PMFBP1: variants seen among roughly 807,000 people sequenced by gnomAD.
PMFBP1 encodes the protein polyamine-modulated factor 1-binding protein 1.
PMFBP1 carries 131 observed loss-of-function variants against 137.8 expected under a neutral mutation model. That is an observed-to-expected ratio of 0.95 (90% CI 0.82 to 1.10). PMFBP1 has a LOEUF of 1.10. Among genes scored for constraint, PMFBP1 ranks in the 50% least tolerant of loss-of-function variants. The pLI is 0.00. For synonymous variants in PMFBP1, 490 were observed against 450.4 expected (o/e 1.09, Z -1.11); for missense variants, 1,199 against 1,175.4 (o/e 1.02, Z -0.29).
the PMFBP1 span, among the ~76,000 whole-genome samples, chr16:72,223,035 C>T: frequency 6.6e-6 from 1 of 152,124 alleles, no homozygotes; most frequent in Admixed American, 6.6e-5. Flanking sequence ...TGTCATGACA[C>T]ACAGCCTCAC....
chr16:72,118,275 C>T (rs1005524903), downstream of PMFBP1, among the ~76,000 whole-genome samples: 6 of 152,118 alleles, frequency 3.9e-5, no homozygotes, highest in Non-Finnish European at 8.8e-5. Flanking sequence ...CATGGGGGAA[C>T]GTAGTTCAAA....
chr16:72,122,848 C>G (rs1276897879), intron 19 of PMFBP1, 66 bp downstream of exon 19: 4 of 1,495,578 alleles, frequency 2.7e-6, no homozygotes, highest in Non-Finnish European at 3.7e-6. Context: ...AAAGCCAGCC[C>G]TGGCTCCCTG....
At chr16:72,184,278 A>T in the PMFBP1 span, among the ~76,000 whole-genome samples, 2 of 152,168 alleles carry the variant, frequency 1.3e-5, no homozygotes, top group Non-Finnish European at 2.9e-5. Flanking sequence ...CTACAATAAC[A>T]TCTCCAGCAC....
At chr16:72,228,680 TG>T in the PMFBP1 span, among the ~76,000 whole-genome samples, 1 of 152,190 alleles carries the variant, frequency 6.6e-6, no homozygotes, top group Non-Finnish European at 1.5e-5. Flanking sequence ...TGAATAAATT[TG>T]GGGTGCCTCT....
At chr16:72,216,596 C>T in the PMFBP1 span, among the ~76,000 whole-genome samples, 1 of 152,060 alleles carries the variant, frequency 6.6e-6, no homozygotes, top group African/African-American at 2.4e-5. Context: ...TTATTGGCAG[C>T]CTTTGCTAAG....
the PMFBP1 span, among the ~76,000 whole-genome samples, chr16:72,231,381 A>G: frequency 1.3e-5 from 2 of 152,200 alleles, no homozygotes; most frequent in African/African-American, 4.8e-5. Context: ...GACGGGCTTT[A>G]GATGAAGCTA....
At chr16:72,128,920 C>T (rs2042504136) in intron 13 of PMFBP1, 126 bp from the exon 14 acceptor site, 2 of 1,510,220 alleles carry the variant, frequency 1.3e-6, no homozygotes, top group Admixed American at 3.9e-5. Context: ...GGCATTCTCG[C>T]TCCCCTCCTC....
In PMFBP1 at chr16:72,125,979, C is replaced by T. The variant is rs1194132237; in HGVS notation, c.2242G>A (p.Ala748Thr). Residue 748 changes from alanine (A) to threonine (T), a missense_variant, in exon 15 of 21, where the codon GCC becomes ACC. Transcript: ENST00000237353. ...GGGTGTGGCCTCACCTTCTCGAGGG[C>T]TTGTGTCAGGTCATCCTGGCAGGCG... ...SAACQDDLTQALEKLNHVTSE... is the reference protein window; with the variant it reads ...SAACQDDLTQTLEKLNHVTSE... 2.5e-6 allele frequency: 4 copies of T among 1,614,100 alleles called. No homozygotes were observed. The highest frequency in any genetic ancestry group is 3.4e-6 in the Non-Finnish European group (4 of 1,179,960).
upstream of PMFBP1, among the ~76,000 whole-genome samples, chr16:72,174,894 A>G (rs1337938613): frequency 6.6e-6 from 1 of 152,168 alleles, no homozygotes; most frequent in East Asian, 1.9e-4. Context: ...GCCAAACCAT[A>G]TCACCTTATA....
chr16:72,202,644 A>AG, the PMFBP1 span, among the ~76,000 whole-genome samples: 17 of 152,358 alleles, frequency 1.1e-4, no homozygotes, highest in African/African-American at 3.8e-4. Flanking sequence ...ATTGCCCCGT[A>AG]GGAGGCTGTC....
chr16:72,227,344 C>A, the PMFBP1 span, among the ~76,000 whole-genome samples: 3 of 152,158 alleles, frequency 2.0e-5, no homozygotes, highest in South Asian at 6.2e-4. Context: ...CAGCAATTCA[C>A]CTTGAATCCT....
chr16:72,134,588 C>G (rs1388686381), intron 9 of PMFBP1, among the ~76,000 whole-genome samples: 1 of 152,218 alleles, frequency 6.6e-6, no homozygotes, highest in East Asian at 1.9e-4. Flanking sequence ...ACAAGCACCC[C>G]ATGGTCTGGT....
chr16:72,144,414 C>T (rs952531790), intron 5 of PMFBP1, among the ~76,000 whole-genome samples: 4 of 152,150 alleles, frequency 2.6e-5, no homozygotes. Flanking sequence ...AACTCTGACA[C>T]TGGCACACGA....
At chr16:72,154,568 C>CT in intron 3 of PMFBP1, 109 bp from the exon 4 acceptor site, 5 of 1,254,742 alleles carry the variant, frequency 4.0e-6, no homozygotes, top group Non-Finnish European at 5.5e-6. Flanking sequence ...ATCTATCCAT[C>CT]TTTTTATCTT....
chr16:72,235,844 G>A, the PMFBP1 span, among the ~76,000 whole-genome samples: 8 of 152,036 alleles, frequency 5.3e-5, no homozygotes, highest in South Asian at 2.1e-4. Context: ...ATCTTGTGTC[G>A]TGCAACACTG....
chr16:72,218,474 C>T, the PMFBP1 span, among the ~76,000 whole-genome samples: 2 of 152,048 alleles, frequency 1.3e-5, no homozygotes, highest in East Asian at 3.9e-4. Context: ...CTTACAGCTG[C>T]CATGCCATGT....
the PMFBP1 span, among the ~76,000 whole-genome samples, chr16:72,212,053 A>G: frequency 6.6e-6 from 1 of 152,220 alleles, no homozygotes; most frequent in African/African-American, 2.4e-5. Flanking sequence ...GGAAGGTAAC[A>G]TCAAGAAAAT....
In PMFBP1 at chr16:72,132,896, C is replaced by T. The variant is rs1297733296; in HGVS notation, c.1299G>A (p.Lys433=). The T allele has an allele frequency of 4.3e-6, 7 of 1,614,236 alleles. No individual in the cohort carries two copies. The highest frequency in any genetic ancestry group is 3.3e-5 in the South Asian group (3 of 91,082). Residue 433 remains lysine (K), a synonymous_variant, in exon 10 of 21, where the codon AAG becomes AAA. Transcript: ENST00000237353. ...CAAGTTCTGTGGCCATGCACTGCTG[C>T]TTCTCCAGCTCCTTCTCCTTTTTCA... ...SLLKKEKELE[K]QQCMATELEM...
At chr16:72,218,001 G>C in the PMFBP1 span, among the ~76,000 whole-genome samples, 2 of 152,218 alleles carry the variant, frequency 1.3e-5, no homozygotes, top group African/African-American at 4.8e-5. Context: ...GAAATGCACA[G>C]TAGCTACTGC....
Sources: gnomAD v4.1 joint callset for allele counts (sites outside exome capture counted in the v4.1 genomes callset) on GRCh38, gnomAD v4.1.1 for gene constraint, MANE v1.5 for transcripts, NCBI Gene and HGNC (gene_info 2026-07-23, HGNC 2026-07-21) for gene names.